The following NFASC variants were observed in gnomAD, a reference collection of about 807,000 sequenced individuals.
NFASC encodes neurofascin homolog.
In NFASC, 43 loss-of-function variants were observed where a neutral mutation model predicts 147.5. The ratio of observed to expected loss-of-function variants is 0.29; its 90% CI spans 0.23 to 0.38. The LOEUF (loss-of-function observed/expected upper bound fraction) is 0.38. Ranked by LOEUF, NFASC falls within the 10% of genes least tolerant of loss-of-function variation. The pLI is 1.00. For synonymous variants in NFASC, 622 were observed against 665.5 expected (o/e 0.93, Z 1.01); for missense variants, 1,320 against 1,689.0 (o/e 0.78, Z 3.83).
At chr1:204,834,072 C>G (rs1433642208) in intron 1 of NFASC, among the ~76,000 whole-genome samples, 1 of 152,130 alleles carries the variant, frequency 6.6e-6, no homozygotes, top group African/African-American at 2.4e-5. Flanking sequence ...AGAGGGTATT[C>G]TAGATGAAGG....
Position 204,877,002 on chromosome 1 carries a change from A to G in NFASC, c.-199-43630A>G, listed in dbSNP as rs1246957809. Among the ~76,000 whole-genome samples the G allele has an allele frequency of 9.0e-3, 805 of 88,986 alleles. 21 individuals are homozygous for G. The highest frequency in any genetic ancestry group is 0.058 in the African/African-American group (763 of 13,180). 58.4% of individuals were successfully genotyped at this position (88,986 alleles called of 152,430 possible). ...AAATGAGTTGGCTAAATATGTATAT[A>G]TATATATATATATATATATATATAT... is the stretch of plus-strand genomic sequence containing the variant. On this transcript the variant is annotated intron_variant, in intron 1 of 29. Transcript: ENST00000339876.
Position 204,980,423 on chromosome 1 carries a change from A to T in NFASC, c.2230A>T (p.Met744Leu), listed in dbSNP as rs1026873139. The stretch of plus-strand genomic sequence containing the variant: ...GGGAGAGGGGACCAGAAAGAACAAC[A>T]TGGAGATCACGTGGACGGTAAGAGG... ...VKGEGTRKNNMEITWTPMNAT... is the reference protein window; with the variant it reads ...VKGEGTRKNNLEITWTPMNAT... Residue 744 changes from methionine to leucine, a missense_variant, in exon 20 of 30, where the codon ATG (methionine) becomes TTG (leucine). By Grantham distance (15) the Met-to-Leu change is conservative. Transcript: ENST00000339876. 13 of 1,613,246 alleles carry T rather than the reference A, an allele frequency of 8.1e-6. No homozygotes were observed. Among genetic ancestry groups the T allele is most frequent in the African/African-American group, 1.3e-5 (1 of 74,878 alleles).
intron 5 of NFASC, among the ~76,000 whole-genome samples, chr1:204,953,397 T>C (rs1458747482): frequency 1.3e-5 from 2 of 152,158 alleles, no homozygotes; most frequent in Non-Finnish European, 2.9e-5. Flanking sequence ...CCCGGGTTCA[T>C]GCCATTCTCC....
rs141939311 is a variant in NFASC, at chr1:204,843,587, TCTTC to T, written c.-200+14844_-200+14847del. On this transcript the variant is annotated intron_variant, in intron 1 of 29. Transcript: ENST00000339876. ...TCCCTTCTCTCCTTCCTTCTTTCCTTCTTCCTTCCTTCCTTCCTTCCTTCCTTCC... is the reference window on the plus strand; with the variant it reads ...TCCCTTCTCTCCTTCCTTCTTTCCTTCTTCCTTCCTTCCTTCCTTCCTTCC... Among the ~76,000 whole-genome samples, 856 of 120,502 alleles carry T rather than the reference TCTTC, an allele frequency of 7.1e-3. 7 individuals are homozygous for T. Among genetic ancestry groups the T allele is most frequent in the South Asian group, 0.011 (36 of 3,424 alleles). 79.1% of individuals were successfully genotyped at this position (120,502 alleles called of 152,430 possible). A position where few individuals can be genotyped will look rare whatever the true frequency, so the allele number is the denominator to read the frequency against.
At chr1:204,942,161 G>A (rs2093400296) in intron 2 of NFASC, among the ~76,000 whole-genome samples, 1 of 152,178 alleles carries the variant, frequency 6.6e-6, no homozygotes, top group Non-Finnish European at 1.5e-5. Flanking sequence ...ATAGACAAGT[G>A]GCTTTTGGAA....
Position 205,011,116 on chromosome 1 carries a change from T to C in NFASC, c.3421+1428T>C, listed in dbSNP as rs960558650. ...TGGCTGGACCACAGAATGCAATTTC[T>C]CCCTGCTCCAGAAAGCCCCATCACC... On this transcript the variant is annotated intron_variant, in intron 28 of 29. Coordinates refer to ENST00000339876, the MANE Select transcript of NFASC (RefSeq NM_001005388.3). Among the ~76,000 whole-genome samples the C allele has an allele frequency of 5.8e-4, 88 of 151,976 alleles. 1 individual carries two copies. The highest frequency in any genetic ancestry group is 2.4e-4 in the Non-Finnish European group (16 of 67,998).
rs1403942807 is a variant in NFASC, at chr1:204,968,766, A to G, written c.819-32A>G. The G allele has an allele frequency of 2.5e-6, 4 of 1,596,572 alleles. No homozygotes were observed. The African/African-American group carries it at 4.0e-5, about 16-fold the overall frequency. ...AAGAGGAGAAAGGCCACGTTTAGTG[A>G]TAACTTGTTTCCTGCTTGGCGCCTC... On this transcript the variant is annotated intron_variant, in intron 9 of 29. Transcript: ENST00000339876. The surrounding 1 kb of genome is among the most constrained non-coding windows in gnomAD (Gnocchi z 5.4).
rs148552583 is a variant in NFASC, at chr1:204,842,601, C to T, written c.-200+13819C>T. Reference sequence around the variant, plus strand: ...TCCCCTGTCACCCAGAAGCCTGGCCCGTTCTGTGTAACACCATTAAATGCT... The same window carrying T: ...TCCCCTGTCACCCAGAAGCCTGGCCTGTTCTGTGTAACACCATTAAATGCT... On this transcript the variant is annotated intron_variant, in intron 1 of 29. Coordinates refer to ENST00000339876, the MANE Select transcript of NFASC (RefSeq NM_001005388.3). Among the ~76,000 whole-genome samples, 646 of 152,350 alleles carry T rather than the reference C, an allele frequency of 4.2e-3. 5 individuals carry two copies. Among genetic ancestry groups the T allele is most frequent in the African/African-American group, 0.015 (616 of 41,592 alleles).
chr1:205,009,889 G>A (rs928092163), intron 28 of NFASC: 7 of 621,200 alleles, frequency 1.1e-5, no homozygotes, highest in East Asian at 2.8e-5. Flanking sequence ...TGAGTTGGGC[G>A]GATGGCACAG....
At position 204,997,286 on chromosome 1, in the gene NFASC, G is replaced by A. The variant is rs566469690; in HGVS notation, c.2899G>A (p.Ala967Thr). 37 of 1,609,998 alleles carry A rather than the reference G, an allele frequency of 2.3e-5. No homozygotes were observed. In the East Asian group the frequency reaches 5.4e-4, roughly 23 times the overall value. The change falls in exon 25 of 30, where the codon GCA (alanine) becomes ACA (threonine). Residue 967 changes from alanine to threonine, a missense_variant. Physicochemically the swap from Ala to Thr is moderately conservative, Grantham distance 58 (BLOSUM62 0). Coordinates refer to ENST00000339876, the MANE Select transcript of NFASC (RefSeq NM_001005388.3). Reference sequence around the variant, plus strand: ...AACAGTCCCCATCATCCCAACTGTCGCACCTACCACCATCGCCACCACCAC... The same window carrying A: ...AACAGTCCCCATCATCCCAACTGTCACACCTACCACCATCGCCACCACCAC... The part of the protein sequence containing the change: ...ATTVPIIPTV[A>T]PTTIATTTTV...
At chr1:204,900,853 T>C (rs2084411851) in intron 1 of NFASC, among the ~76,000 whole-genome samples, 1 of 152,130 alleles carries the variant, frequency 6.6e-6, no homozygotes, top group Non-Finnish European at 1.5e-5. Context: ...GTTTTTTTTT[T>C]CAAAGTGGAA....
In NFASC at chr1:204,941,479, G is replaced by A. The variant is rs185330295; in HGVS notation, c.-90-2747G>A. 1.8e-4 allele frequency among the ~76,000 whole-genome samples: 27 copies of A among 151,952 alleles called. No individual in the cohort carries two copies. In the East Asian group the frequency reaches 2.3e-3, roughly 13 times the overall value. On this transcript the variant is annotated intron_variant, in intron 2 of 29. Coordinates refer to ENST00000339876, the MANE Select transcript of NFASC (RefSeq NM_001005388.3). ...TCAAGAGTCCCAAAATAAAATATCC[G>A]TCTCTTTCCCTTCACTTCCTACTGC... is the stretch of plus-strand genomic sequence containing the variant.
chr1:204,891,352 A>G (rs1269233169), intron 1 of NFASC, among the ~76,000 whole-genome samples: 1 of 152,192 alleles, frequency 6.6e-6, no homozygotes, highest in African/African-American at 2.4e-5. Context: ...ACAGTGCATC[A>G]GGAGAAGGGC....
At chr1:204,936,266 A>G (rs2092830642) in intron 2 of NFASC, among the ~76,000 whole-genome samples, 1 of 143,264 alleles carries the variant, frequency 7.0e-6, no homozygotes, top group African/African-American at 2.6e-5. Flanking sequence ...CAGTGGCACA[A>G]TCTTGGCTCA....
At chr1:204,958,091 G>A (rs1426388870) in intron 8 of NFASC, among the ~76,000 whole-genome samples, 5 of 152,094 alleles carry the variant, frequency 3.3e-5, no homozygotes, top group Admixed American at 6.5e-5. Flanking sequence ...ACCTGGCAGC[G>A]TACCCAGAAC....
At position 204,970,740 on chromosome 1, in the gene NFASC, T is replaced by G. The variant is rs1252919954; in HGVS notation, c.1128T>G (p.Pro376=). 6.2e-7 allele frequency: 1 copy of G among 1,614,192 alleles called. No individual in the cohort carries two copies. Among genetic ancestry groups the G allele is most frequent in the East Asian group, 2.2e-5 (1 of 44,884 alleles). Residue 376 remains proline (P), a synonymous_variant, in exon 11 of 30, where the codon CCT becomes CCG. Coordinates refer to ENST00000339876, the MANE Select transcript of NFASC (RefSeq NM_001005388.3). ...PTVQWMVNGE[P]LQSAPPNPNR... is the part of the protein sequence containing the mutation. ...TCCAGTGGATGGTGAATGGGGAACC[T>G]TTGCAATGTAAGTAGCGAGCTGTTG...
At chr1:204,974,083 C>A in intron 12 of NFASC, 96 bp from the exon 13 acceptor site, 1 of 926,146 alleles carries the variant, frequency 1.1e-6, no homozygotes, top group Non-Finnish European at 1.7e-6. Context: ...GCCTGGGAAG[C>A]TGCTGTAAGC....
At chr1:204,838,588 G>C (rs77521062) in intron 1 of NFASC, among the ~76,000 whole-genome samples, 5 of 150,968 alleles carry the variant, frequency 3.3e-5, no homozygotes, top group East Asian at 3.9e-4. Context: ...AAGACTTTTC[G>C]GAGCCTGGAA....
intron 26 of NFASC, among the ~76,000 whole-genome samples, chr1:205,001,968 A>G (rs1213219409): frequency 6.6e-6 from 1 of 152,218 alleles, no homozygotes; most frequent in Non-Finnish European, 1.5e-5. Flanking sequence ...AGACCCTCTC[A>G]GGAGAGAGCA....
Sources: allele counts gnomAD v4.1 joint callset (sites outside exome capture counted in the v4.1 genomes callset), GRCh38; gene constraint gnomAD v4.1.1; non-coding constraint Gnocchi (gnomAD v3.1); transcripts MANE v1.5; gene names NCBI Gene and HGNC (gene_info 2026-07-23, HGNC 2026-07-21).